TMEM233: variants seen among roughly 807,000 people sequenced by gnomAD.
The protein encoded by TMEM233 is dispanin subfamily B member 2.
A neutral mutation model predicts 11.2 loss-of-function variants in TMEM233; 6 were observed. That is an observed-to-expected ratio of 0.54 (90% CI 0.29 to 1.06). The LOEUF is 1.06. Ranked by LOEUF, TMEM233 falls within the 50% of genes least tolerant of loss-of-function variation. The pLI, the probability that TMEM233 is intolerant of heterozygous loss-of-function variation, is 0.08. For synonymous variants in TMEM233, 59 were observed against 55.8 expected, an observed-to-expected ratio of 1.06 and a Z score of -0.26; for missense variants, 127 against 144.7, an observed-to-expected ratio of 0.88 and a Z score of 0.63.
chr12:119,622,097 C>T (rs147946441), intron 1 of TMEM233, among the ~76,000 whole-genome samples: 30 of 152,330 alleles, frequency 2.0e-4, no homozygotes, highest in African/African-American at 7.2e-4. Flanking sequence ...CAGGACTAGA[C>T]AGACTGACTC....
chr12:119,646,279 G>A (rs1593318770), downstream of TMEM233, among the ~76,000 whole-genome samples: 1 of 152,150 alleles, frequency 6.6e-6, no homozygotes, highest in East Asian at 1.9e-4. Flanking sequence ...GGCTGGTCTC[G>A]AACTCCTGGC....
In TMEM233 at chr12:119,593,845, G is replaced by A. The variant is rs776081298; in HGVS notation, c.-4G>A. 6.4e-6 allele frequency: 10 copies of A among 1,550,672 alleles called. 1 individual carries two copies. Among genetic ancestry groups the A allele is most frequent in the East Asian group, 2.4e-5 (1 of 40,878 alleles). On this transcript the variant is annotated 5_prime_UTR_variant, in exon 1 of 3. Coordinates refer to ENST00000426426, the MANE Select transcript of TMEM233 (RefSeq NM_001136534.3). This position sits in a 1 kb window ranked among gnomAD's most constrained non-coding sequence, Gnocchi z 4.1. ...CCGCCCTCCCGGCGCCGCCGGCCTC[G>A]CCCATGTCTCAGTACGCCCCTAGCC...
chr12:119,637,499 A>C (rs1232452387), intron 2 of TMEM233, among the ~76,000 whole-genome samples: 1 of 152,254 alleles, frequency 6.6e-6, no homozygotes, highest in Non-Finnish European at 1.5e-5. Flanking sequence ...CAATTGCATC[A>C]GAATTGGAAG....
At chr12:119,621,382 T>C (rs1454365100) in intron 1 of TMEM233, among the ~76,000 whole-genome samples, 1 of 152,134 alleles carries the variant, frequency 6.6e-6, no homozygotes, top group East Asian at 1.9e-4. Flanking sequence ...AGGGTCTTGC[T>C]ATGTTGCCCA....
chr12:119,653,828 T>G, the TMEM233 span, among the ~76,000 whole-genome samples: 2 of 151,914 alleles, frequency 1.3e-5, no homozygotes, highest in Admixed American at 1.3e-4. Context: ...CAGAGAAGTA[T>G]CAAGCATTCT....
chr12:119,615,730 G>A (rs536659074), intron 1 of TMEM233, among the ~76,000 whole-genome samples: 11 of 152,330 alleles, frequency 7.2e-5, no homozygotes, highest in Non-Finnish European at 1.2e-4. Context: ...AAAGGACAAA[G>A]TACTTTCCAC....
intron 1 of TMEM233, among the ~76,000 whole-genome samples, chr12:119,621,152 A>T (rs1216422413): frequency 1.3e-5 from 2 of 151,660 alleles, no homozygotes; most frequent in African/African-American, 4.8e-5. Context: ...GACTCAAGCA[A>T]TCCTCCCACC....
chr12:119,606,821 G>T (rs571458665), intron 1 of TMEM233, among the ~76,000 whole-genome samples: 1 of 152,304 alleles, frequency 6.6e-6, no homozygotes, highest in East Asian at 1.9e-4. Flanking sequence ...CATTATTGTT[G>T]CCGTAAATGT....
chr12:119,639,455 A>C, intron 2 of TMEM233, among the ~76,000 whole-genome samples: 1 of 48,348 alleles, frequency 2.1e-5, no homozygotes, highest in East Asian at 3.3e-4. Context: ...GTCTCTACTA[A>C]AAATAGAAAA....
chr12:119,597,254 T>G (rs2136667026), intron 1 of TMEM233, among the ~76,000 whole-genome samples: 1 of 152,326 alleles, frequency 6.6e-6, no homozygotes, highest in East Asian at 1.9e-4. Context: ...TGATTTGTGG[T>G]GCCCTCAATG....
At chr12:119,644,398 C>T (rs770443094), downstream of TMEM233, among the ~76,000 whole-genome samples, 1 of 151,808 alleles carries the variant, frequency 6.6e-6, no homozygotes, top group East Asian at 1.9e-4. Flanking sequence ...AAAAAAACAG[C>T]GTCCATATTA....
At position 119,614,338 on chromosome 12, in the gene TMEM233, C is replaced by T. The variant is rs370086235; in HGVS notation, c.187-15398C>T. ...GGGAGAATCGCTTGAACGTGGGAAG[C>T]GGAGGCTTCAGTGAGCCGAGATTGC... On this transcript the variant is annotated intron_variant, in intron 1 of 2. Coordinates refer to ENST00000426426, the MANE Select transcript of TMEM233 (RefSeq NM_001136534.3). 1.8e-4 allele frequency among the ~76,000 whole-genome samples: 27 copies of T among 151,630 alleles called. No individual in the cohort carries two copies. In the South Asian group the frequency reaches 5.0e-3, roughly 28 times the overall value.
intron 1 of TMEM233, among the ~76,000 whole-genome samples, chr12:119,614,515 G>A (rs1373570084): frequency 1.3e-5 from 2 of 152,144 alleles, no homozygotes; most frequent in African/African-American, 4.8e-5. Context: ...TTCTCTATCA[G>A]TAACCAAATT....
chr12:119,643,323 T>G (rs1214019121), downstream of TMEM233, among the ~76,000 whole-genome samples: 4 of 152,202 alleles, frequency 2.6e-5, no homozygotes, highest in Non-Finnish European at 5.9e-5. Flanking sequence ...ATGTGCTCCT[T>G]GGGGTCAAGA....
intron 1 of TMEM233, among the ~76,000 whole-genome samples, chr12:119,604,418 C>T (rs1195557222): frequency 6.6e-6 from 1 of 152,138 alleles, no homozygotes; most frequent in African/African-American, 2.4e-5. Flanking sequence ...AAGCATTTTC[C>T]TGGATTCTTG....
chr12:119,635,637 C>A (rs1446612615), intron 2 of TMEM233, among the ~76,000 whole-genome samples: 1 of 152,154 alleles, frequency 6.6e-6, no homozygotes, highest in Non-Finnish European at 1.5e-5. Flanking sequence ...GAGTTAGAGT[C>A]AGATCCCACA....
At chr12:119,617,815 A>G (rs1270695988) in intron 1 of TMEM233, among the ~76,000 whole-genome samples, 1 of 152,194 alleles carries the variant, frequency 6.6e-6, no homozygotes, top group Non-Finnish European at 1.5e-5. Flanking sequence ...CCTGGGCAAC[A>G]AGAAAGAAAC....
chr12:119,618,966 C>G (rs1482577045), intron 1 of TMEM233, among the ~76,000 whole-genome samples: 2 of 151,940 alleles, frequency 1.3e-5, no homozygotes, highest in African/African-American at 2.4e-5. Flanking sequence ...TCACCCAAAT[C>G]TCATCTTTAA....
intron 1 of TMEM233, among the ~76,000 whole-genome samples, chr12:119,596,027 C>T (rs978958332): frequency 1.3e-5 from 2 of 152,176 alleles, no homozygotes; most frequent in Admixed American, 6.5e-5. Flanking sequence ...GTGGATGAAT[C>T]ATTAACCTTT....
Sources: gnomAD v4.1 joint callset for allele counts (sites outside exome capture counted in the v4.1 genomes callset) on GRCh38, gnomAD v4.1.1 for gene constraint, Gnocchi (gnomAD v3.1) non-coding constraint, MANE v1.5 for transcripts, NCBI Gene and HGNC (gene_info 2026-07-23, HGNC 2026-07-21) for gene names.